PHACTR3: variants seen among roughly 807,000 people sequenced by gnomAD.
The protein encoded by PHACTR3 is phosphatase and actin regulator 3, also known as protein phosphatase 1, regulatory subunit 123.
Under a neutral mutation model 66.8 loss-of-function variants are expected in PHACTR3, and 16 were observed. The ratio of observed to expected loss-of-function variants is 0.24; its 90% CI spans 0.16 to 0.36. The LOEUF (loss-of-function observed/expected upper bound fraction) is 0.36. PHACTR3 is among the 10% of genes least tolerant of loss of function. The probability of loss-of-function intolerance (pLI) is 1.00; values close to 1 mark genes in which losing one functional copy is unlikely to be tolerated. For missense variants in PHACTR3, 647 were observed against 719.9 expected, an observed-to-expected ratio of 0.90 and a Z score of 1.16; for synonymous variants, 323 against 292.1, an observed-to-expected ratio of 1.11 and a Z score of -1.08.
rs755611546 is a variant in PHACTR3, at chr20:59,743,204, C to G, written c.216C>G (p.Gly72=). Residue 72 remains glycine, a synonymous_variant, in exon 2 of 13, where the codon GGC becomes GGG. Transcript: ENST00000371015. The part of the protein sequence containing the change: ...VRRNSKLATL[G]RIFKPWKWRK... The stretch of plus-strand genomic sequence containing the variant: ...GGAACAGCAAACTGGCCACCCTGGG[C>G]AGGATCTTCAAACCCTGGAAATGGA... 4.3e-6 allele frequency: 7 copies of G among 1,614,122 alleles called. No individual in the cohort carries two copies. The South Asian group carries it at 6.6e-5, about 15-fold the overall frequency.
intron 12 of PHACTR3, 90 bp from the exon 13 acceptor site, chr20:59,847,025 A>G (rs1600770950): frequency 2.3e-6 from 2 of 884,836 alleles, no homozygotes; most frequent in Non-Finnish European, 3.6e-6. Flanking sequence ...TCTTTTTAAT[A>G]GCAGCAAATT....
intron 3 of PHACTR3, among the ~76,000 whole-genome samples, chr20:59,748,611 G>C (rs551922019): frequency 5.3e-5 from 8 of 152,192 alleles, no homozygotes; most frequent in African/African-American, 1.9e-4. Context: ...TGAGGCCCAG[G>C]ACTTAGATGC....
At chr20:59,623,238 C>T (rs1050873181) in intron 1 of PHACTR3, among the ~76,000 whole-genome samples, 1 of 151,838 alleles carries the variant, frequency 6.6e-6, no homozygotes, top group African/African-American at 2.4e-5. Context: ...GCAGGTATGT[C>T]GGCTCCGCAT....
At chr20:59,786,089 T>C (rs2040905209) in intron 7 of PHACTR3, among the ~76,000 whole-genome samples, 1 of 152,360 alleles carries the variant, frequency 6.6e-6, no homozygotes, top group East Asian at 1.9e-4. Flanking sequence ...GTTCGGTGTT[T>C]TGCCAGCTCC....
At chr20:59,702,082 T>A (rs2146613863) in intron 1 of PHACTR3, among the ~76,000 whole-genome samples, 1 of 152,382 alleles carries the variant, frequency 6.6e-6, no homozygotes, top group Admixed American at 6.5e-5. Context: ...TGTCGGGATG[T>A]ACCCCAATTT....
Position 59,604,977 on chromosome 20 carries a change from G to A in PHACTR3, c.-38G>A. On this transcript the variant is annotated 5_prime_UTR_variant, in exon 1 of 13. Transcript: ENST00000371015. Reference sequence around the variant, plus strand: ...GCCGCCTCGGATGCTCTGATTCCACGCGGCTCGCTCTAACTTGCCCCCGCG... The same window carrying A: ...GCCGCCTCGGATGCTCTGATTCCACACGGCTCGCTCTAACTTGCCCCCGCG... The A allele has an allele frequency of 8.2e-7, 1 of 1,216,424 alleles. No homozygotes were observed. The allele number at this position is 1,216,424 out of a possible 1,614,324, so 75.4% of individuals were successfully genotyped here.
At chr20:59,744,614 G>A (rs574086245) in intron 2 of PHACTR3, among the ~76,000 whole-genome samples, 31 of 152,338 alleles carry the variant, frequency 2.0e-4, no homozygotes, top group African/African-American at 7.0e-4. Context: ...CAGCAGGGGA[G>A]GCGGCCAACA....
intron 8 of PHACTR3, among the ~76,000 whole-genome samples, chr20:59,832,753 T>C (rs999693462): frequency 6.6e-6 from 1 of 152,126 alleles, no homozygotes; most frequent in Non-Finnish European, 1.5e-5. Flanking sequence ...CACACCTCCA[T>C]GCGATCTAAA....
chr20:59,743,231 G>A lies in PHACTR3; in HGVS notation c.243G>A (p.Arg81=), dbSNP rs746165842. 1.2e-5 allele frequency: 20 copies of A among 1,614,068 alleles called. No individual in the cohort carries two copies. The highest frequency in any genetic ancestry group is 1.5e-5 in the Non-Finnish European group (18 of 1,179,966). Residue 81 remains arginine (R), a synonymous_variant, in exon 2 of 13, where the codon AGG becomes AGA. Transcript: ENST00000371015. ...GGATCTTCAAACCCTGGAAATGGAGGAAAAAGAAAAACGAAAAACTGAAGC... is the reference window on the plus strand; with the variant it reads ...GGATCTTCAAACCCTGGAAATGGAGAAAAAAGAAAAACGAAAAACTGAAGC... ...LGRIFKPWKW[R]KKKNEKLKQT...
chr20:59,617,977 A>T (rs1355554498), intron 1 of PHACTR3, among the ~76,000 whole-genome samples: 1 of 152,218 alleles, frequency 6.6e-6, no homozygotes, highest in Non-Finnish European at 1.5e-5. Context: ...CGAATGCCCC[A>T]TCCAGCTGTG....
At chr20:59,679,395 A>G (rs1014569252) in intron 1 of PHACTR3, among the ~76,000 whole-genome samples, 1 of 152,212 alleles carries the variant, frequency 6.6e-6, no homozygotes, top group African/African-American at 2.4e-5. Context: ...AACTGCTGAA[A>G]CAATAGGTGT....
intron 8 of PHACTR3, chr20:59,835,790 C>T (rs1209223112): frequency 6.6e-6 from 1 of 152,194 alleles, no homozygotes; most frequent in South Asian, 2.1e-4. Flanking sequence ...TCGCACACTC[C>T]GTCTGGGCTG....
intron 1 of PHACTR3, among the ~76,000 whole-genome samples, chr20:59,670,708 A>G (rs1046553290): frequency 2.6e-5 from 4 of 151,084 alleles, no homozygotes; most frequent in African/African-American, 9.8e-5. Context: ...ATTCAAGCTT[A>G]TGTTTGTTGG....
chr20:59,618,204 A>T (rs2034103583), intron 1 of PHACTR3, among the ~76,000 whole-genome samples: 1 of 152,172 alleles, frequency 6.6e-6, no homozygotes, highest in Non-Finnish European at 1.5e-5. Flanking sequence ...GCAAGAGAGA[A>T]GCAGGAGTAT....
chr20:59,640,349 G>C (rs1241506936), intron 1 of PHACTR3, among the ~76,000 whole-genome samples: 1 of 152,236 alleles, frequency 6.6e-6, no homozygotes, highest in Admixed American at 6.5e-5. Flanking sequence ...GGAGGACAAG[G>C]TGTTGAAGAA....
intron 1 of PHACTR3, among the ~76,000 whole-genome samples, chr20:59,682,862 G>A (rs1242882802): frequency 6.6e-6 from 1 of 152,178 alleles, no homozygotes; most frequent in Non-Finnish European, 1.5e-5. Flanking sequence ...GAGAGAAGCA[G>A]GGACATTGTA....
intron 9 of PHACTR3, among the ~76,000 whole-genome samples, 173 bp downstream of exon 9, chr20:59,836,733 C>G (rs548854731): frequency 1.3e-5 from 2 of 152,074 alleles, no homozygotes; most frequent in Non-Finnish European, 2.9e-5. Flanking sequence ...AGCTGATATA[C>G]CTAGAAACAT....
At chr20:59,629,537 C>A (rs1277443315) in intron 1 of PHACTR3, among the ~76,000 whole-genome samples, 1 of 152,202 alleles carries the variant, frequency 6.6e-6, no homozygotes, top group Non-Finnish European at 1.5e-5. Flanking sequence ...GAGGGCAGGA[C>A]CCGTCCCAGG....
At chr20:59,764,549 A>G (rs2040114434) in intron 4 of PHACTR3, among the ~76,000 whole-genome samples, 1 of 152,274 alleles carries the variant, frequency 6.6e-6, no homozygotes, top group East Asian at 1.9e-4. Flanking sequence ...CTCACTAAGC[A>G]AGGTGGAGGC....
Sources: allele counts gnomAD v4.1 joint callset (sites outside exome capture counted in the v4.1 genomes callset), GRCh38; gene constraint gnomAD v4.1.1; transcripts MANE v1.5; gene names NCBI Gene and HGNC (gene_info 2026-07-23, HGNC 2026-07-21).